Variants in ACD observed in about 807,000 individuals in gnomAD.
ACD encodes adrenocortical dysplasia protein homolog.
A neutral mutation model predicts 53.9 loss-of-function variants in ACD; 39 were observed. The ratio of observed to expected loss-of-function variants is 0.72; its 90% CI spans 0.56 to 0.95. The LOEUF (loss-of-function observed/expected upper bound fraction) is 0.95. Ranked by LOEUF, ACD falls within the 40% of genes least tolerant of loss-of-function variation. The pLI is 0.00. For synonymous variants in ACD, 273 were observed against 249.2 expected, an observed-to-expected ratio of 1.10 and a Z score of -0.90; for missense variants, 526 against 587.9, an observed-to-expected ratio of 0.89 and a Z score of 1.09.
Position 67,658,426 on chromosome 16 carries a change from G to A in ACD, c.830-64C>T, listed in dbSNP as rs552735599. The A allele has an allele frequency of 3.7e-6, 6 of 1,610,406 alleles. No individual in the cohort carries two copies. The East Asian group carries it at 6.7e-5, about 18-fold the overall frequency. On this transcript the variant is annotated intron_variant, in intron 9 of 11. Coordinates refer to ENST00000620761, the MANE Select transcript of ACD (RefSeq NM_001082486.2). ...CGCTCAGGGCAGCTGAGTGGCCTGC[G>A]AGCTCAGACAGGACTGCAGGGACCG...
At position 67,658,498 on chromosome 16, in the gene ACD, C is replaced by G. The variant is rs925690243; in HGVS notation, c.829+57G>C. 4 of 1,573,332 alleles carry G rather than the reference C, an allele frequency of 2.5e-6. No homozygotes were observed. The African/African-American group carries it at 4.0e-5, about 16-fold the overall frequency. On this transcript the variant is annotated intron_variant, in intron 9 of 11. Coordinates refer to ENST00000620761, the MANE Select transcript of ACD (RefSeq NM_001082486.2). ...GCACCTTTCACAGCATCCTGCGCAG[C>G]CCGGGAACCTGACTGACAGGCGGCA...
Position 67,657,955 on chromosome 16 carries a change from T to C in ACD, c.1206+31A>G. On this transcript the variant is annotated intron_variant, in intron 10 of 11. Transcript: ENST00000620761. This position sits in a 1 kb window ranked among gnomAD's most constrained non-coding sequence, Gnocchi z 4.5. ...GCTCTACCTCAGGCCTTCCTTGTTCTACCCTCCAGCTGCAGAGGGGCTATG... is the reference window on the plus strand; with the variant it reads ...GCTCTACCTCAGGCCTTCCTTGTTCCACCCTCCAGCTGCAGAGGGGCTATG... The C allele has an allele frequency of 6.3e-7, 1 of 1,593,836 alleles. No individual in the cohort carries two copies. The highest frequency in any genetic ancestry group is 8.6e-7 in the Non-Finnish European group (1 of 1,168,156).
chr16:67,658,440 C>G, intron 9 of ACD, 78 bp from the exon 10 acceptor site: 1 of 1,606,654 alleles, frequency 6.2e-7, no homozygotes, highest in Non-Finnish European at 8.5e-7. Context: ...TCAGACAGGA[C>G]TGCAGGGACC....
In ACD at chr16:67,658,787, T is replaced by C; in HGVS notation, c.675A>G (p.Ser225=). ...TGEAVYTVPS[S]MLCISENDQL... The stretch of plus-strand genomic sequence containing the variant: ...GGTCATTCTCAGAGATGCACAGCAT[T>C]GAGCTGGGGACAGTGTACACAGCTT... Residue 225 remains serine, a synonymous_variant, in exon 8 of 12, where the codon TCA becomes TCG. Transcript: ENST00000620761. 1 of 1,613,480 alleles carries C rather than the reference T, an allele frequency of 6.2e-7. No homozygotes were observed. The highest frequency in any genetic ancestry group is 8.5e-7 in the Non-Finnish European group (1 of 1,179,678).
intron 4 of ACD, 40 bp from the exon 5 acceptor site, chr16:67,659,459 C>T (rs1389258350): frequency 6.2e-7 from 1 of 1,614,088 alleles, no homozygotes. Flanking sequence ...GGCCCAAGCC[C>T]TCCTACCCCA....
intron 6 of ACD, 49 bp downstream of exon 6, chr16:67,659,180 A>G: frequency 6.2e-7 from 1 of 1,613,358 alleles, no homozygotes; most frequent in Non-Finnish European, 8.5e-7. Context: ...TTAAGGCTGG[A>G]GAGATCACTG....
Position 67,658,588 on chromosome 16 carries a change from T to C in ACD, c.796A>G (p.Ile266Val), listed in dbSNP as rs1567640633. ...CTGGGTGAGGAAGGAGGAGAGGCTA[T>C]GAGGGTCAGAGATAGGTCCTGCAGA... ...PALQDLSLTL[I>V]ASPPSSPSSS... Residue 266 changes from isoleucine (I) to valine (V), a missense_variant, in exon 9 of 12, where the codon ATA (isoleucine) becomes GTA (valine). By Grantham distance (29) the Ile-to-Val change is conservative (BLOSUM62 3). Transcript: ENST00000620761. The C allele has an allele frequency of 1.9e-6, 3 of 1,573,808 alleles. No homozygotes were observed. Among genetic ancestry groups the C allele is most frequent in the Non-Finnish European group, 8.6e-7 (1 of 1,158,686 alleles).
chr16:67,658,098 G>A lies in ACD; in HGVS notation c.1094C>T (p.Pro365Leu). 3 of 1,576,098 alleles carry A rather than the reference G, an allele frequency of 1.9e-6. No individual in the cohort carries two copies. The highest frequency in any genetic ancestry group is 1.7e-6 in the Non-Finnish European group (2 of 1,161,640). The change falls in exon 10 of 12, where the codon CCC becomes CTC. Residue 365 changes from proline (P) to leucine (L), a missense_variant. Physicochemically the swap from Pro to Leu is moderately conservative, Grantham distance 98. Coordinates refer to ENST00000620761, the MANE Select transcript of ACD (RefSeq NM_001082486.2). Reference protein sequence around the residue: ...PSPHQALVTRPQKPSLEFKEF... With the variant: ...PSPHQALVTRLQKPSLEFKEF... The stretch of plus-strand genomic sequence containing the variant: ...CTTGAACTCCAGGCTAGGTTTCTGG[G>A]GCCTGGTCACAAGAGCCTGGTGTGG...
rs1030020894 is a variant in ACD at position 67,657,950 on chromosome 16, T to C, written c.1206+36A>G. 1 of 1,596,288 alleles carries C rather than the reference T, an allele frequency of 6.3e-7. No individual in the cohort carries two copies. The highest frequency in any genetic ancestry group is 8.6e-7 in the Non-Finnish European group (1 of 1,169,430). On this transcript the variant is annotated intron_variant, in intron 10 of 11. Transcript: ENST00000620761. This position sits in a 1 kb window ranked among gnomAD's most constrained non-coding sequence, Gnocchi z 4.5. Reference sequence around the variant, plus strand: ...TCCCAGCTCTACCTCAGGCCTTCCTTGTTCTACCCTCCAGCTGCAGAGGGG... The same window carrying C: ...TCCCAGCTCTACCTCAGGCCTTCCTCGTTCTACCCTCCAGCTGCAGAGGGG...
rs1235168823 is a variant in ACD at position 67,660,181 on chromosome 16, G to T, written c.40C>A (p.Arg14=). 1.2e-6 allele frequency: 2 copies of T among 1,612,600 alleles called. No individual in the cohort carries two copies. Among genetic ancestry groups the T allele is most frequent in the Non-Finnish European group, 1.7e-6 (2 of 1,179,902 alleles). The part of the protein sequence containing the change: ...SGRLVLRPWI[R]ELILGSETPS... ...GTCTCTGACCCCAGAATCAGCTCCC[G>T]AATCCAGGGCCGTAGGACCAGCCTC... Residue 14 remains arginine, a synonymous_variant, in exon 1 of 12, where the codon CGG becomes AGG. Transcript: ENST00000620761.
chr16:67,659,496 T>C (rs2052955349), intron 4 of ACD, 41 bp downstream of exon 4: 2 of 1,613,576 alleles, frequency 1.2e-6, no homozygotes, highest in Non-Finnish European at 1.7e-6. Context: ...CCGGCCAGGC[T>C]GGGGTGGGGA....
At chr16:67,659,656 G>A (rs1037491847) in intron 3 of ACD, 43 bp from the exon 4 acceptor site, 2 of 1,612,792 alleles carry the variant, frequency 1.2e-6, no homozygotes, top group Non-Finnish European at 1.7e-6. Context: ...GAATCGTCAC[G>A]AAGAGTCATG....
At position 67,659,240 on chromosome 16, in the gene ACD, G is replaced by C. The variant is rs149051014; in HGVS notation, c.482C>G (p.Ser161Trp). The C allele has an allele frequency of 1.9e-6, 3 of 1,613,988 alleles. No individual in the cohort carries two copies. Among genetic ancestry groups the C allele is most frequent in the Non-Finnish European group, 2.5e-6 (3 of 1,180,018 alleles). Residue 161 changes from serine to tryptophan, a missense_variant, in exon 6 of 12, where the codon TCG becomes TGG. Physicochemically the swap from Ser to Trp is radical, Grantham distance 177 (BLOSUM62 -3). Coordinates refer to ENST00000620761, the MANE Select transcript of ACD (RefSeq NM_001082486.2). ...AAGCTCTACAGTACCTGCATTGGAC[G>C]AGGTGGACTCTGAAAGGTGCTCCCT... ...CLEEHLSEST[S>W]SNAGLSLSQL...
At position 67,659,221 on chromosome 16, in the gene ACD, T is replaced by C; in HGVS notation, c.493+8A>G. 6.2e-7 allele frequency: 1 copy of C among 1,614,106 alleles called. No individual in the cohort carries two copies. Among genetic ancestry groups the C allele is most frequent in the South Asian group, 1.1e-5 (1 of 91,088 alleles). On this transcript the variant is annotated splice_region_variant and intron_variant, in intron 6 of 11. Coordinates refer to ENST00000620761, the MANE Select transcript of ACD (RefSeq NM_001082486.2). ...CGTGTTAGGATCACTGGTCAAGCTC[T>C]ACAGTACCTGCATTGGACGAGGTGG... is the stretch of plus-strand genomic sequence containing the variant.
rs1173572864 is a variant in ACD, at chr16:67,659,082, G to C, written c.494-3C>G. 1.9e-6 allele frequency: 3 copies of C among 1,613,490 alleles called. No individual in the cohort carries two copies. In the African/African-American group the frequency reaches 4.0e-5, roughly 22 times the overall value. The stretch of plus-strand genomic sequence containing the variant: ...CAGAAGCTGGGACAGTGATAGGCCT[G>C]GGGACAGGGGACCATGGGATGAGTC... On this transcript the variant is annotated splice_polypyrimidine_tract_variant and splice_region_variant and intron_variant, in intron 6 of 11. Transcript: ENST00000620761.
rs772198483 is a variant in ACD at position 67,658,149 on chromosome 16, A to G, written c.1043T>C (p.Leu348Pro). The change falls in exon 10 of 12, where the codon CTC (leucine) becomes CCC (proline). Residue 348 changes from leucine to proline, a missense_variant. Transcript: ENST00000620761. ...SSPLQSCTPSLSPRSHVPSPH... is the reference protein window; with the variant it reads ...SSPLQSCTPSPSPRSHVPSPH... ...ACTGGGGACATGGCTACGGGGTGAG[A>G]GACTGGGAGTGCAGCTCTGGAGTGG... 6.2e-7 allele frequency: 1 copy of G among 1,604,404 alleles called. No homozygotes were observed. The highest frequency in any genetic ancestry group is 8.5e-7 in the Non-Finnish European group (1 of 1,174,500).
In ACD at chr16:67,658,401, C is replaced by T. The variant is rs372774370; in HGVS notation, c.830-39G>A. 24 of 1,612,440 alleles carry T rather than the reference C, an allele frequency of 1.5e-5. No homozygotes were observed. Among genetic ancestry groups the T allele is most frequent in the Middle Eastern group, 1.8e-4 (1 of 5,678 alleles). ...GACTTATTGTAGGCACAGCCCTCTC[C>T]GCTCAGGGCAGCTGAGTGGCCTGCG... On this transcript the variant is annotated intron_variant, in intron 9 of 11. Transcript: ENST00000620761.
chr16:67,659,349 G>A, intron 5 of ACD, 26 bp downstream of exon 5: 1 of 1,614,024 alleles, frequency 6.2e-7, no homozygotes, highest in Non-Finnish European at 8.5e-7. Flanking sequence ...ACAACACGTG[G>A]CCCCCGAGCC....
chr16:67,658,698 C>CA (rs1275743409), intron 8 of ACD, 22 bp downstream of exon 8: 5 of 1,599,404 alleles, frequency 3.1e-6, no homozygotes, highest in East Asian at 2.2e-5. Context: ...GGTATCCCCC[C>CA]AACCTCTCCA....
Sources: gnomAD v4.1 joint callset for allele counts on GRCh38, gnomAD v4.1.1 for gene constraint, Gnocchi (gnomAD v3.1) non-coding constraint, MANE v1.5 for transcripts, NCBI Gene and HGNC (gene_info 2026-07-23, HGNC 2026-07-21) for gene names.